LIN7A: variants seen among roughly 807,000 people sequenced by gnomAD.
LIN7A encodes lin-7 cell polarity scaffold A.
Under a neutral mutation model 29.8 loss-of-function variants are expected in LIN7A, and 25 were observed. The ratio of observed to expected loss-of-function variants is 0.84; its 90% CI spans 0.61 to 1.17. The LOEUF (loss-of-function observed/expected upper bound fraction) is 1.17. LIN7A is among the 50% of genes most tolerant of loss of function. The pLI is 0.00. For missense variants in LIN7A, 239 were observed against 287.0 expected, an observed-to-expected ratio of 0.83 and a Z score of 1.21; for synonymous variants, 118 against 107.5, an observed-to-expected ratio of 1.10 and a Z score of -0.60.
rs79884298 is a variant in LIN7A, at chr12:80,808,166, A to C, written c.*3299T>G. 1.2e-3 allele frequency among the ~76,000 whole-genome samples: 180 copies of C among 152,134 alleles called. 2 individuals are homozygous for C. The East Asian group carries it at 0.029, about 25-fold the overall frequency. On this transcript the variant is annotated intron_variant, in intron 5 of 5. Transcript: ENST00000552864. ...CTGTCATAGAGCTACTGCATTGGCTATTTCTTTCTCGTTTTAGTCTCTTTT... is the reference window on the plus strand; with the variant it reads ...CTGTCATAGAGCTACTGCATTGGCTCTTTCTTTCTCGTTTTAGTCTCTTTT...
At chr12:80,855,969 C>T (rs1254524415) in intron 2 of LIN7A, among the ~76,000 whole-genome samples, 2 of 152,076 alleles carry the variant, frequency 1.3e-5, no homozygotes, top group Non-Finnish European at 1.5e-5. Context: ...ATCCATATAG[C>T]TTTCATATAT....
At chr12:80,835,299 T>A (rs1872552407) in intron 4 of LIN7A, among the ~76,000 whole-genome samples, 1 of 152,172 alleles carries the variant, frequency 6.6e-6, no homozygotes, top group Non-Finnish European at 1.5e-5. Context: ...AGTCTTATCT[T>A]TTAATGCTGT....
At chr12:80,927,155 C>CTTTTTTTTTTTTTTTTT (rs929026269) in intron 1 of LIN7A, among the ~76,000 whole-genome samples, 41 of 75,538 alleles carry the variant, frequency 5.4e-4, no homozygotes, top group East Asian at 9.5e-4. Context: ...TTTTCTTTTT[C>CTTTTTTTTTTTTTTTTT]TTTTTTTTTT....
intron 4 of LIN7A, among the ~76,000 whole-genome samples, chr12:80,832,837 G>A (rs1872433371): frequency 6.6e-6 from 1 of 152,156 alleles, no homozygotes; most frequent in African/African-American, 2.4e-5. Flanking sequence ...TTTAGTTTAA[G>A]ATAGTGATTC....
chr12:80,895,568 C>T (rs1356579334), intron 1 of LIN7A, among the ~76,000 whole-genome samples: 4 of 152,202 alleles, frequency 2.6e-5, no homozygotes, highest in Non-Finnish European at 4.4e-5. Flanking sequence ...ACCCTCTAAT[C>T]GCTTGCCATC....
At chr12:80,854,452 A>T (rs749320301) in intron 2 of LIN7A, among the ~76,000 whole-genome samples, 3 of 131,632 alleles carry the variant, frequency 2.3e-5, no homozygotes, top group Non-Finnish European at 4.7e-5. Flanking sequence ...TATATACAGC[A>T]GTGTAGATGA....
intron 4 of LIN7A, among the ~76,000 whole-genome samples, chr12:80,819,640 C>T (rs1871700905): frequency 6.6e-6 from 1 of 152,178 alleles, no homozygotes; most frequent in South Asian, 2.1e-4. Context: ...TGAATCTGAG[C>T]TTCTTCCCTC....
At chr12:80,918,586 T>G (rs1158004612) in intron 1 of LIN7A, among the ~76,000 whole-genome samples, 1 of 152,196 alleles carries the variant, frequency 6.6e-6, no homozygotes, top group Non-Finnish European at 1.5e-5. Flanking sequence ...TCAATTTCCC[T>G]TTCCCTTTAA....
intron 5 of LIN7A, among the ~76,000 whole-genome samples, chr12:80,799,499 T>C (rs1034596436): frequency 6.6e-6 from 1 of 152,054 alleles, no homozygotes; most frequent in African/African-American, 2.4e-5. Flanking sequence ...TATGTTAAAA[T>C]AGGGAAATAA....
intron 2 of LIN7A, among the ~76,000 whole-genome samples, chr12:80,863,427 AAGAG>A (rs1055740649): frequency 6.6e-6 from 1 of 152,248 alleles, no homozygotes; most frequent in African/African-American, 2.4e-5. Context: ...AGAAGGGAGA[AAGAG>A]AGCACATAAT....
chr12:80,807,862 A>G (rs1008686578), intron 5 of LIN7A, among the ~76,000 whole-genome samples: 3 of 152,174 alleles, frequency 2.0e-5, no homozygotes, highest in Admixed American at 6.5e-5. Flanking sequence ...ACTACTACAC[A>G]TTAGCCTCCT....
intron 4 of LIN7A, among the ~76,000 whole-genome samples, chr12:80,817,453 G>A (rs1292772702): frequency 6.6e-6 from 1 of 152,154 alleles, no homozygotes; most frequent in Admixed American, 6.5e-5. Flanking sequence ...GTTTTCTGAT[G>A]TGTAAGTTAC....
intron 4 of LIN7A, among the ~76,000 whole-genome samples, chr12:80,830,890 C>T (rs1872315453): frequency 6.6e-6 from 1 of 152,252 alleles, no homozygotes; most frequent in African/African-American, 2.4e-5. Flanking sequence ...CCTTGAATAT[C>T]ACCCCTTAAC....
At chr12:80,874,605 C>A (rs1049345351) in intron 2 of LIN7A, among the ~76,000 whole-genome samples, 1 of 152,110 alleles carries the variant, frequency 6.6e-6, no homozygotes, top group African/African-American at 2.4e-5. Context: ...GTTGTTGGTA[C>A]AAATGGAACA....
At chr12:80,807,083 T>TTTTTTTGTTTTTG (rs869115950) in intron 5 of LIN7A, among the ~76,000 whole-genome samples, 7 of 137,250 alleles carry the variant, frequency 5.1e-5, no homozygotes, top group Non-Finnish European at 7.9e-5. Context: ...TTTTTTTTTT[T>TTTTTTTGTTTTTG]TTTTTTTTGA....
chr12:80,812,450 T>TAAAAA (rs199686456), intron 4 of LIN7A, among the ~76,000 whole-genome samples: 1 of 131,540 alleles, frequency 7.6e-6, no homozygotes, highest in African/African-American at 2.7e-5. Flanking sequence ...TCAAACACTG[T>TAAAAA]AAAAAAAAAA....
intron 1 of LIN7A, among the ~76,000 whole-genome samples, chr12:80,918,978 T>C (rs971340734): frequency 2.7e-4 from 41 of 152,338 alleles, no homozygotes; most frequent in African/African-American, 9.9e-4. Context: ...TCACAGCCTG[T>C]ACAGGTTTGT....
chr12:80,904,735 G>A (rs979019333), intron 1 of LIN7A, among the ~76,000 whole-genome samples: 1 of 152,052 alleles, frequency 6.6e-6, no homozygotes, highest in African/African-American at 2.4e-5. Context: ...GGATATTTTT[G>A]ATTTTGGAAT....
At chr12:80,884,399 T>G (rs924457274) in intron 2 of LIN7A, among the ~76,000 whole-genome samples, 2 of 152,204 alleles carry the variant, frequency 1.3e-5, no homozygotes. Flanking sequence ...TCAGACTACA[T>G]GTTCATAAAA....
Sources: gnomAD v4.1 joint callset for allele counts (sites outside exome capture counted in the v4.1 genomes callset) on GRCh38, gnomAD v4.1.1 for gene constraint, MANE v1.5 for transcripts, NCBI Gene and HGNC (gene_info 2026-07-23, HGNC 2026-07-21) for gene names.